Variants in SPATA7 observed in about 807,000 individuals in gnomAD.
SPATA7 encodes the protein spermatogenesis-associated protein 7.
Under a neutral mutation model 51.8 loss-of-function variants are expected in SPATA7, and 43 were observed. That is an observed-to-expected ratio of 0.83 (90% CI 0.65 to 1.07). SPATA7 has a LOEUF of 1.07. SPATA7 is among the 50% of genes least tolerant of loss of function. The probability of loss-of-function intolerance (pLI) is 0.00; values close to 1 mark genes in which losing one functional copy is unlikely to be tolerated. For synonymous variants in SPATA7, 230 were observed against 252.8 expected, an observed-to-expected ratio of 0.91 and a Z score of 0.86; for missense variants, 683 against 701.3, an observed-to-expected ratio of 0.97 and a Z score of 0.30.
intron 4 of SPATA7, among the ~76,000 whole-genome samples, chr14:88,397,782 T>G (rs958583223): frequency 3.3e-5 from 5 of 152,182 alleles, no homozygotes; most frequent in Admixed American, 3.3e-4. Context: ...TTTAAAAATT[T>G]CTGAAGAATA....
In SPATA7 at chr14:88,391,436, C is replaced by G. The variant is rs765968462; in HGVS notation, c.75C>G (p.His25Gln). ...RYGPPCLFKG[H>Q]LSTKSNAFCT... ...GTCCACCGTGCCTATTTAAAGGACA[C>G]TTGAGCACCAAAAGTAATGGTAAGT... is the stretch of plus-strand genomic sequence containing the variant. The change falls in exon 2 of 12, where the codon CAC (histidine) becomes CAG (glutamine). Residue 25 changes from histidine to glutamine, a missense_variant. By Grantham distance (24) the His-to-Gln change is conservative (BLOSUM62 0). Transcript: ENST00000393545. 2.4e-5 allele frequency: 39 copies of G among 1,613,560 alleles called. No homozygotes were observed. Among genetic ancestry groups the G allele is most frequent in the Non-Finnish European group, 3.2e-5 (38 of 1,179,794 alleles).
chr14:88,468,033 G>T, intron 4 of SPATA7: 2 of 1,407,832 alleles, frequency 1.4e-6, no homozygotes, highest in East Asian at 4.6e-5. Flanking sequence ...CCAGTGCCAC[G>T]CTGCGTGGAT....
At chr14:88,457,211 C>T (rs2077289702), downstream of SPATA7, among the ~76,000 whole-genome samples, 1 of 152,088 alleles carries the variant, frequency 6.6e-6, no homozygotes, top group African/African-American at 2.4e-5. Context: ...AATGCGGGCC[C>T]TTTTTTGGTT....
intron 1 of SPATA7, among the ~76,000 whole-genome samples, chr14:88,391,062 A>G (rs1234503626): frequency 1.3e-5 from 2 of 152,140 alleles, no homozygotes; most frequent in Non-Finnish European, 2.9e-5. Flanking sequence ...ATATTTAGTC[A>G]TCCATATATC....
intron 8 of SPATA7, 99 bp from the exon 9 acceptor site, chr14:88,431,073 G>A (rs367847989): frequency 9.3e-7 from 1 of 1,076,944 alleles, no homozygotes; most frequent in Non-Finnish European, 1.4e-6. Flanking sequence ...AAACATCTAA[G>A]ATAAGGGCTA....
intron 4 of SPATA7, among the ~76,000 whole-genome samples, chr14:88,405,440 C>T (rs1480748208): frequency 6.6e-6 from 1 of 152,148 alleles, no homozygotes; most frequent in East Asian, 1.9e-4. Context: ...AGTTAGAAGA[C>T]AGTAAATAAT....
At chr14:88,395,071 T>G (rs2075845107) in intron 3 of SPATA7, among the ~76,000 whole-genome samples, 1 of 152,142 alleles carries the variant, frequency 6.6e-6, no homozygotes, top group Non-Finnish European at 1.5e-5. Context: ...GTTTTCATTT[T>G]CTTGTTAAAA....
chr14:88,449,172 C>T (rs73327487), intron 3 of SPATA7, among the ~76,000 whole-genome samples: 5,774 of 152,150 alleles, frequency 0.038, 354 homozygotes, highest in African/African-American at 0.13. Flanking sequence ...TCTATTTGTA[C>T]TCTTTCAGAC....
At position 88,426,384 on chromosome 14, in the gene SPATA7, C is replaced by T. The variant is rs1262484431; in HGVS notation, c.525C>T (p.Asn175=). ...SKVITNGPEK[N]SSSSPSSVDY... is the part of the protein sequence containing the mutation. ...TCATCACAAATGGTCCTGAGAAGAA[C>T]TCCAGTTCCTCCCCGTCCAGTGTGG... Residue 175 remains asparagine (N), a synonymous_variant, in exon 6 of 12, where the codon AAC becomes AAT. Transcript: ENST00000393545. The T allele has an allele frequency of 6.2e-7, 1 of 1,614,186 alleles. No homozygotes were observed. The highest frequency in any genetic ancestry group is 1.7e-5 in the Admixed American group (1 of 60,022).
At chr14:88,437,691 G>A in intron 11 of SPATA7, 94 bp downstream of exon 11, 1 of 1,339,336 alleles carries the variant, frequency 7.5e-7, no homozygotes, top group South Asian at 1.3e-5. Flanking sequence ...TTAAAAGCAA[G>A]TGCTTTTTTT....
At chr14:88,417,998 T>A (rs1422996256) in intron 5 of SPATA7, among the ~76,000 whole-genome samples, 1 of 152,204 alleles carries the variant, frequency 6.6e-6, no homozygotes, top group African/African-American at 2.4e-5. Flanking sequence ...CATTATAGAA[T>A]GATTTCAATG....
rs1187211907 is a variant in SPATA7, at chr14:88,393,304, A to G, written c.95-89A>G. 3 of 907,038 alleles carry G rather than the reference A, an allele frequency of 3.3e-6. No homozygotes were observed. The African/African-American group carries it at 5.0e-5, about 15-fold the overall frequency. 56.2% of individuals were successfully genotyped at this position (907,038 alleles called of 1,614,324 possible). ...CTCTGGTTGAATTTCAGAACATTTT[A>G]TAAGAATGAGTTAAATAATCAGTGC... On this transcript the variant is annotated intron_variant, in intron 2 of 11. Transcript: ENST00000393545.
intron 5 of SPATA7, among the ~76,000 whole-genome samples, chr14:88,417,839 A>G (rs947163570): frequency 2.6e-5 from 4 of 152,164 alleles, no homozygotes; most frequent in Non-Finnish European, 5.9e-5. Flanking sequence ...TCATAAAATA[A>G]ACTGGGCACT....
chr14:88,446,752 A>T (rs961967817), intron 3 of SPATA7, among the ~76,000 whole-genome samples: 7 of 152,162 alleles, frequency 4.6e-5, no homozygotes, highest in African/African-American at 1.7e-4. Flanking sequence ...CCCAGTAGTC[A>T]TTCAGGAGCA....
At chr14:88,410,327 C>T (rs1162800995) in intron 4 of SPATA7, among the ~76,000 whole-genome samples, 1 of 152,032 alleles carries the variant, frequency 6.6e-6, no homozygotes, top group Non-Finnish European at 1.5e-5. Flanking sequence ...TGCATTGATC[C>T]CTTTACCATT....
At chr14:88,465,302 A>T (rs1033046126) in intron 4 of SPATA7, among the ~76,000 whole-genome samples, 5 of 152,104 alleles carry the variant, frequency 3.3e-5, no homozygotes, top group Non-Finnish European at 1.5e-5. Flanking sequence ...CCCCGTCTCC[A>T]CTAAAAATAC....
Position 88,433,120 on chromosome 14 carries a change from G to C in SPATA7, c.1083-15G>C. The C allele has an allele frequency of 3.1e-6, 5 of 1,598,458 alleles. No homozygotes were observed. The highest frequency in any genetic ancestry group is 4.3e-6 in the Non-Finnish European group (5 of 1,168,162). On this transcript the variant is annotated splice_polypyrimidine_tract_variant and intron_variant, in intron 9 of 11. Coordinates refer to ENST00000393545, the MANE Select transcript of SPATA7 (RefSeq NM_018418.5). The stretch of plus-strand genomic sequence containing the variant: ...AGGAATAATTTTTATGCTATATATT[G>C]CCTTCCTTTTACAGTGAAGAAGAAC...
chr14:88,461,537 C>T (rs1056438311), intron 4 of SPATA7, among the ~76,000 whole-genome samples: 2 of 152,160 alleles, frequency 1.3e-5, no homozygotes, highest in African/African-American at 4.8e-5. Context: ...CCTGGTGTGC[C>T]GTTTGCTAAG....
intron 4 of SPATA7, among the ~76,000 whole-genome samples, chr14:88,408,383 G>A (rs2076252853): frequency 1.3e-5 from 2 of 152,134 alleles, no homozygotes; most frequent in South Asian, 4.1e-4. Context: ...TTGTGAATGG[G>A]AGTTCACTCA....
Sources: allele counts gnomAD v4.1 joint callset (sites outside exome capture counted in the v4.1 genomes callset), GRCh38; gene constraint gnomAD v4.1.1; transcripts MANE v1.5; gene names NCBI Gene and HGNC (gene_info 2026-07-23, HGNC 2026-07-21).